Variants in CBY2 observed in about 807,000 individuals in gnomAD.
CBY2 encodes chibby family member 2.
A neutral mutation model predicts 25.3 loss-of-function variants in CBY2; 23 were observed. That is an observed-to-expected ratio of 0.91 (90% CI 0.65 to 1.29). The LOEUF is 1.29. CBY2 is among the 50% of genes most tolerant of loss of function. CBY2 has a pLI of 0.00. For missense variants in CBY2, 642 were observed against 590.7 expected (o/e 1.09, Z -0.90); for synonymous variants, 279 against 260.2 (o/e 1.07, Z -0.70).
At position 45,713,072 on chromosome 13, in the gene CBY2, G is replaced by A. The variant is rs1013767262; in HGVS notation, c.157-110G>A. On this transcript the variant is annotated intron_variant, in intron 2 of 2. Transcript: ENST00000310521. This position sits in a 1 kb window ranked among gnomAD's most constrained non-coding sequence, Gnocchi z 5.0. ...AAGCAAAAGCGCCCACTGTGGCCAG[G>A]CCAGACAATCAGACGGGGCTTATTT... 3 of 894,510 alleles carry A rather than the reference G, an allele frequency of 3.4e-6. No homozygotes were observed. Among genetic ancestry groups the A allele is most frequent in the African/African-American group, 3.4e-5 (2 of 59,196 alleles). The allele number at this position is 894,510 out of a possible 1,614,324, so 55.4% of individuals were successfully genotyped here. A position where few individuals can be genotyped will look rare whatever the true frequency, so the allele number is the denominator to read the frequency against.
intron 2 of CBY2, among the ~76,000 whole-genome samples, chr13:45,706,355 G>C (rs183081265): frequency 1.6e-4 from 24 of 152,122 alleles, no homozygotes; most frequent in African/African-American, 5.8e-4. Context: ...GGGACTTCAG[G>C]CTTCTGTGAG....
At chr13:45,703,447 G>T in intron 2 of CBY2, 1 of 1,539,058 alleles carries the variant, frequency 6.5e-7, no homozygotes, top group Non-Finnish European at 8.8e-7. Context: ...CCTTAGTGGA[G>T]TCCTCTTGAT....
intron 2 of CBY2, among the ~76,000 whole-genome samples, chr13:45,711,959 A>C (rs1206669695): frequency 1.3e-5 from 2 of 152,158 alleles, no homozygotes; most frequent in African/African-American, 4.8e-5. Flanking sequence ...ATTGCATTAG[A>C]AGCTGGGGTG....
chr13:45,708,717 T>C (rs1950253159), intron 2 of CBY2, among the ~76,000 whole-genome samples: 1 of 152,214 alleles, frequency 6.6e-6, no homozygotes. Flanking sequence ...ATATTTAATA[T>C]AGGTATGTTT....
Position 45,714,114 on chromosome 13 carries a change from G to C in CBY2, c.1089G>C (p.Arg363Ser). Residue 363 changes from arginine to serine, a missense_variant, in exon 3 of 3, where the codon AGG becomes AGC. Physicochemically the swap from Arg to Ser is moderately radical, Grantham distance 110. Coordinates refer to ENST00000310521, the MANE Select transcript of CBY2 (RefSeq NM_152719.3). The part of the protein sequence containing the change: ...CQPLQLLREM[R>S]QALQALLKEN... ...CCCTGCAGCTGCTGAGAGAGATGAG[G>C]CAGGCGCTGCAGGCCCTGCTCAAGG... 6.4e-7 allele frequency: 1 copy of C among 1,566,592 alleles called. No homozygotes were observed. Among genetic ancestry groups the C allele is most frequent in the South Asian group, 1.2e-5 (1 of 85,674 alleles).
chr13:45,702,749 ATCT>A (rs757736421), intron 1 of CBY2, 23 bp from the exon 2 acceptor site: 181 of 1,589,150 alleles, frequency 1.1e-4, no homozygotes, highest in Admixed American at 1.7e-4. Context: ...GGAAGCAGTA[ATCT>A]TCTTCTTTTC....
chr13:45,704,839 C>T lies in CBY2; in HGVS notation c.156+1984C>T, dbSNP rs149041765. Among the ~76,000 whole-genome samples the T allele has an allele frequency of 4.9e-4, 75 of 152,322 alleles. 3 individuals are homozygous for T. The East Asian group carries it at 0.014, about 29-fold the overall frequency. ...CTAGGGCACATGCCAGTAAGCTGGG[C>T]CATGCTGCATCTTAGCTCCATGGTT... is the stretch of plus-strand genomic sequence containing the variant. On this transcript the variant is annotated intron_variant, in intron 2 of 2. Transcript: ENST00000310521. This position sits in a 1 kb window ranked among gnomAD's most constrained non-coding sequence, Gnocchi z 4.1.
At position 45,704,233 on chromosome 13, in the gene CBY2, AACAGCC is replaced by A. The variant is rs1950227605; in HGVS notation, c.156+1379_156+1384del. ...CAACTTTCCCTCCCCAGCTCCCAGA[AACAGCC>A]CAACGATCAAGGAGAAGAGAAGGTG... On this transcript the variant is annotated intron_variant, in intron 2 of 2. Coordinates refer to ENST00000310521, the MANE Select transcript of CBY2 (RefSeq NM_152719.3). This position sits in a 1 kb window ranked among gnomAD's most constrained non-coding sequence, Gnocchi z 4.1. Among the ~76,000 whole-genome samples the A allele has an allele frequency of 6.6e-6, 1 of 152,114 alleles. No individual in the cohort carries two copies. Among genetic ancestry groups the A allele is most frequent in the African/African-American group, 2.4e-5 (1 of 41,430 alleles).
intron 2 of CBY2, among the ~76,000 whole-genome samples, chr13:45,712,542 G>A (rs1380986850): frequency 6.6e-6 from 1 of 152,188 alleles, no homozygotes; most frequent in Non-Finnish European, 1.5e-5. Context: ...TGCACGGAGA[G>A]GTGAAAATTT....
chr13:45,703,135 C>T (rs1205703586), intron 2 of CBY2: 4 of 1,272,378 alleles, frequency 3.1e-6, no homozygotes, highest in African/African-American at 1.5e-5. Flanking sequence ...ACTGAAGTAA[C>T]CCAGCCTTCT....
intron 2 of CBY2, among the ~76,000 whole-genome samples, chr13:45,710,574 C>G (rs1483479044): frequency 2.0e-5 from 3 of 152,144 alleles, no homozygotes; most frequent in African/African-American, 7.2e-5. Flanking sequence ...AAAACATTCA[C>G]GTCTTTGGCT....
Position 45,702,346 on chromosome 13 carries a change from TCA to T in CBY2, c.-44_-43del. 1 of 1,556,898 alleles carries T rather than the reference TCA, an allele frequency of 6.4e-7. No homozygotes were observed. The highest frequency in any genetic ancestry group is 8.9e-7 in the Non-Finnish European group (1 of 1,127,952). On this transcript the variant is annotated 5_prime_UTR_variant, in exon 1 of 3. It removes the in-frame stop codon of an upstream open reading frame in the 5' UTR. Transcript: ENST00000310521. ...GATGCCTCATTCCCACCTGTGATGC[TCA>T]GAGAGAAACCATGAGCCCTGAAAAA...
Position 45,714,207 on chromosome 13 carries a change from G to C in CBY2, c.1182G>C (p.Gln394His). Residue 394 changes from glutamine to histidine, a missense_variant, in exon 3 of 3, where the codon CAG becomes CAC. Physicochemically the swap from Gln to His is conservative, Grantham distance 24. Transcript: ENST00000310521. ...QVLRAEHRGFQEENKALWENN... is the reference protein window; with the variant it reads ...QVLRAEHRGFHEENKALWENN... Reference sequence around the variant, plus strand: ...TACGGGCAGAGCACAGGGGCTTCCAGGAGGAGAACAAGGCCCTGTGGGAGA... The same window carrying C: ...TACGGGCAGAGCACAGGGGCTTCCACGAGGAGAACAAGGCCCTGTGGGAGA... 6.2e-7 allele frequency: 1 copy of C among 1,612,746 alleles called. No individual in the cohort carries two copies. Among genetic ancestry groups the C allele is most frequent in the Non-Finnish European group, 8.5e-7 (1 of 1,179,776 alleles).
chr13:45,703,598 A>G, intron 2 of CBY2: 1 of 1,548,702 alleles, frequency 6.5e-7, no homozygotes, highest in South Asian at 1.2e-5. Flanking sequence ...AGAGGTAACT[A>G]TCTGAGAGCT....
Position 45,704,927 on chromosome 13 carries a change from C to T in CBY2, c.156+2072C>T, listed in dbSNP as rs548515011. Among the ~76,000 whole-genome samples, 28 of 152,294 alleles carry T rather than the reference C, an allele frequency of 1.8e-4. No individual in the cohort carries two copies. The highest frequency in any genetic ancestry group is 6.5e-4 in the African/African-American group (27 of 41,556). ...ATCTTAACCACTCATCTCTGGGCTT[C>T]TTATTTTGTATTTGCCAAAAGCTGC... On this transcript the variant is annotated intron_variant, in intron 2 of 2. Coordinates refer to ENST00000310521, the MANE Select transcript of CBY2 (RefSeq NM_152719.3). This position sits in a 1 kb window ranked among gnomAD's most constrained non-coding sequence, Gnocchi z 4.1.
In CBY2 at chr13:45,714,416, A is replaced by C; in HGVS notation, c.*44A>C. On this transcript the variant is annotated 3_prime_UTR_variant, in exon 3 of 3. Coordinates refer to ENST00000310521, the MANE Select transcript of CBY2 (RefSeq NM_152719.3). ...GGACGCCGAGTTTGGGACACCGAAC[A>C]CTGGGCAAAAGAGAATCCCCTGCCT... The C allele has an allele frequency of 1.4e-6, 2 of 1,477,224 alleles. No individual in the cohort carries two copies. The highest frequency in any genetic ancestry group is 9.1e-7 in the Non-Finnish European group (1 of 1,098,042). The allele number at this position is 1,477,224 out of a possible 1,614,324, so 91.5% of individuals were successfully genotyped here.
Position 45,713,904 on chromosome 13 carries a change from C to G in CBY2, c.879C>G (p.Ser293Arg), listed in dbSNP as rs1361923027. 1.3e-6 allele frequency: 2 copies of G among 1,534,500 alleles called. No homozygotes were observed. The highest frequency in any genetic ancestry group is 2.0e-5 in the Admixed American group (1 of 50,388). The change falls in exon 3 of 3, where the codon AGC becomes AGG. Residue 293 changes from serine to arginine, a missense_variant. Coordinates refer to ENST00000310521, the MANE Select transcript of CBY2 (RefSeq NM_152719.3). This position sits in a 1 kb window ranked among gnomAD's most constrained non-coding sequence, Gnocchi z 5.0. The part of the protein sequence containing the change: ...PAPSPHEEPC[S>R]PGLLQDQGSG... ...CCTCACCCCACGAGGAGCCCTGCAG[C>G]CCCGGGCTGCTGCAGGACCAGGGCT...
At chr13:45,702,899 G>C in intron 2 of CBY2, 44 bp downstream of exon 2, 1 of 1,461,058 alleles carries the variant, frequency 6.8e-7, no homozygotes, top group African/African-American at 1.4e-5. Flanking sequence ...GTGTTAGCCA[G>C]AATAACCCCC....
In CBY2 at chr13:45,713,872, C is replaced by T. The variant is rs971028808; in HGVS notation, c.847C>T (p.Pro283Ser). 1 of 1,522,536 alleles carries T rather than the reference C, an allele frequency of 6.6e-7. No individual in the cohort carries two copies. The allele number at this position is 1,522,536 out of a possible 1,614,324, so 94.3% of individuals were successfully genotyped here. ...DTAAPAEESK[P>S]APSPHEEPCS... is the part of the protein sequence containing the mutation. Reference sequence around the variant, plus strand: ...GGCCGCCCCTGCCGAGGAAAGCAAGCCCGCCCCCTCACCCCACGAGGAGCC... The same window carrying T: ...GGCCGCCCCTGCCGAGGAAAGCAAGTCCGCCCCCTCACCCCACGAGGAGCC... Residue 283 changes from proline to serine, a missense_variant, in exon 3 of 3, where the codon CCC becomes TCC. By Grantham distance (74) the Pro-to-Ser change is moderately conservative (BLOSUM62 -1). Transcript: ENST00000310521. The surrounding 1 kb of genome is among the most constrained non-coding windows in gnomAD (Gnocchi z 5.0).
Sources: allele counts gnomAD v4.1 joint callset (sites outside exome capture counted in the v4.1 genomes callset), GRCh38; gene constraint gnomAD v4.1.1; non-coding constraint Gnocchi (gnomAD v3.1); transcripts MANE v1.5; gene names NCBI Gene and HGNC (gene_info 2026-07-23, HGNC 2026-07-21).